Variants in VPS9D1 observed in about 807,000 individuals in gnomAD.
The protein encoded by VPS9D1 is VPS9 domain containing 1.
In VPS9D1, 78 loss-of-function variants were observed where a neutral mutation model predicts 75.8. The ratio of observed to expected loss-of-function variants is 1.03; its 90% confidence interval spans 0.86 to 1.24. The LOEUF is 1.24. VPS9D1 is among the 50% of genes most tolerant of loss of function. VPS9D1 has a pLI of 0.00. For missense variants in VPS9D1, 1,057 were observed against 847.7 expected, an observed-to-expected ratio of 1.25 and a Z score of -3.07; for synonymous variants, 481 against 385.6, an observed-to-expected ratio of 1.25 and a Z score of -2.90.
At chr16:89,708,105 C>G (rs2060831809) in intron 14 of VPS9D1, 151 bp from the exon 15 acceptor site, 2 of 737,166 alleles carry the variant, frequency 2.7e-6, no homozygotes, top group East Asian at 5.4e-5. Context: ...TAGAGGAGGC[C>G]TTTCCCACCC....
chr16:89,709,052 CG>C (rs1405074066), intron 12 of VPS9D1, 96 bp from the exon 13 acceptor site: 2 of 1,326,666 alleles, frequency 1.5e-6, no homozygotes, highest in Non-Finnish European at 1.0e-6. Context: ...CTGATGTGCA[CG>C]GCTGGGAAGA....
In VPS9D1 at chr16:89,712,618, T is replaced by C. The variant is rs2060961832; in HGVS notation, c.530A>G (p.Gln177Arg). Residue 177 changes from glutamine (Q) to arginine (R), a missense_variant, in exon 5 of 15, where the codon CAG (glutamine) becomes CGG (arginine). Physicochemically the swap from Gln to Arg is conservative, Grantham distance 43. Coordinates refer to ENST00000389386, the MANE Select transcript of VPS9D1 (RefSeq NM_004913.3). ...GCCCCCACTCACCAGGGATGTCTTC[T>C]GCATGGCCTGGCTGGGGTCTAGCCG... ...MARLDPSQAM[Q>R]KTSLTLSLQR... The C allele has an allele frequency of 6.2e-7, 1 of 1,610,034 alleles. No individual in the cohort carries two copies. The highest frequency in any genetic ancestry group is 8.5e-7 in the Non-Finnish European group (1 of 1,178,182).
In VPS9D1 at chr16:89,711,318, C is replaced by T. The variant is rs1389225054; in HGVS notation, c.833+9G>A. 2.5e-6 allele frequency: 4 copies of T among 1,604,028 alleles called. No individual in the cohort carries two copies. In the South Asian group the frequency reaches 3.4e-5, roughly 14 times the overall value. ...GCAGGGGCTCTGTGGGGCCTGAAGG[C>T]CCAGCTACCTGAGCAGGTGTGAGAC... On this transcript the variant is annotated intron_variant, in intron 9 of 14. Coordinates refer to ENST00000389386, the MANE Select transcript of VPS9D1 (RefSeq NM_004913.3).
At position 89,707,926 on chromosome 16, in the gene VPS9D1, G is replaced by A. The variant is rs766361679; in HGVS notation, c.1831C>T (p.Leu611Phe). Residue 611 changes from leucine to phenylalanine, a missense_variant, in exon 15 of 15, where the codon CTC (leucine) becomes TTC (phenylalanine). Transcript: ENST00000389386. ...CTCAGGGCACTCTGCAGTGATGTGA[G>A]GCAGTAGCCCTCCTCTCCGATCAGG... ...GYLIGEEGYC[L>F]TSLQSALSYV... The A allele has an allele frequency of 9.9e-6, 16 of 1,613,110 alleles. No homozygotes were observed. The highest frequency in any genetic ancestry group is 1.7e-6 in the Non-Finnish European group (2 of 1,179,954).
At chr16:89,709,190 G>C (rs1337782469) in intron 12 of VPS9D1, 37 bp downstream of exon 12, 1 of 1,610,444 alleles carries the variant, frequency 6.2e-7, no homozygotes, top group South Asian at 1.1e-5. Flanking sequence ...ACTGGGATGG[G>C]AGCCTGTCCC....
chr16:89,712,177 G>A, intron 6 of VPS9D1, 78 bp from the exon 7 acceptor site: 2 of 1,536,964 alleles, frequency 1.3e-6, no homozygotes, highest in African/African-American at 1.4e-5. Context: ...ACCCGGAGAG[G>A]CCGGGACGTC....
rs1597899931 is a variant in VPS9D1 at position 89,708,547 on chromosome 16, A to G, written c.1698-16T>C. The G allele has an allele frequency of 6.2e-7, 1 of 1,609,454 alleles. No homozygotes were observed. Among genetic ancestry groups the G allele is most frequent in the Non-Finnish European group, 8.5e-7 (1 of 1,178,320 alleles). Reference sequence around the variant, plus strand: ...ATCGGCACCACTGTCGGGAGGGCATAGCGGCCTTGGGTTGGGGCCAGGAGC... The same window carrying G: ...ATCGGCACCACTGTCGGGAGGGCATGGCGGCCTTGGGTTGGGGCCAGGAGC... On this transcript the variant is annotated splice_polypyrimidine_tract_variant and intron_variant, in intron 13 of 14. Coordinates refer to ENST00000389386, the MANE Select transcript of VPS9D1 (RefSeq NM_004913.3).
intron 1 of VPS9D1, among the ~76,000 whole-genome samples, chr16:89,719,646 G>C (rs971743531): frequency 1.3e-5 from 2 of 152,162 alleles, no homozygotes; most frequent in African/African-American, 4.8e-5. Context: ...GCACACAGGA[G>C]CCTAGAACTG....
At chr16:89,711,667 C>T in intron 8 of VPS9D1, 1 of 687,816 alleles carries the variant, frequency 1.5e-6, no homozygotes, top group South Asian at 1.9e-5. Context: ...GGGACCCTCC[C>T]ACGCGACCCC....
At chr16:89,714,616 C>A (rs570577965) in intron 4 of VPS9D1, among the ~76,000 whole-genome samples, 1 of 152,210 alleles carries the variant, frequency 6.6e-6, no homozygotes, top group South Asian at 2.1e-4. Context: ...GAGGAGTGGA[C>A]CCTTCTCGTC....
chr16:89,717,723 C>T (rs1397477758), intron 2 of VPS9D1: 2 of 456,650 alleles, frequency 4.4e-6, no homozygotes, highest in Non-Finnish European at 8.8e-6. Flanking sequence ...TTTGCTCTCC[C>T]CAGGGGATCC....
Position 89,710,573 on chromosome 16 carries a change from G to T in VPS9D1, c.1258+13C>A. On this transcript the variant is annotated intron_variant, in intron 10 of 14. Transcript: ENST00000389386. ...GAGCTGCGGCGGCTCTCCCAGGGAG[G>T]GCCTGGCCTCACCTACGGCATTGTG... The T allele has an allele frequency of 6.3e-7, 1 of 1,582,866 alleles. No homozygotes were observed. The highest frequency in any genetic ancestry group is 2.3e-5 in the East Asian group (1 of 44,202).
chr16:89,712,563 C>T, intron 5 of VPS9D1, 41 bp from the exon 6 acceptor site: 4 of 1,609,454 alleles, frequency 2.5e-6, no homozygotes, highest in Non-Finnish European at 3.4e-6. Context: ...CCCCTCTGCC[C>T]CGCGCCCACG....
chr16:89,709,443 A>G lies in VPS9D1; in HGVS notation c.1389-8T>C, dbSNP rs755213013. On this transcript the variant is annotated splice_polypyrimidine_tract_variant and splice_region_variant and intron_variant, in intron 11 of 14. Coordinates refer to ENST00000389386, the MANE Select transcript of VPS9D1 (RefSeq NM_004913.3). The stretch of plus-strand genomic sequence containing the variant: ...CGGGCTCGGTGCACGCTCCTGGGGC[A>G]GAGAGAGGCCAGGCTAAGCTGCCCC... 4 of 1,504,442 alleles carry G rather than the reference A, an allele frequency of 2.7e-6. No individual in the cohort carries two copies. The highest frequency in any genetic ancestry group is 3.5e-6 in the Non-Finnish European group (4 of 1,135,512). The allele number at this position is 1,504,442 out of a possible 1,614,324, so 93.2% of individuals were successfully genotyped here.
Position 89,709,247 on chromosome 16 carries a change from T to C in VPS9D1, c.1577A>G (p.Gln526Arg). The change falls in exon 12 of 15, where the codon CAG (glutamine) becomes CGG (arginine). Residue 526 changes from glutamine to arginine, a missense_variant. By Grantham distance (43) the Gln-to-Arg change is conservative. Coordinates refer to ENST00000389386, the MANE Select transcript of VPS9D1 (RefSeq NM_004913.3). ...LGLLVLESCP[Q>R]KKLECIVRTL... Reference sequence around the variant, plus strand: ...CTGACCTATGCACTCCAGCTTCTTCTGGGGGCAGCTCTCCAGGACCAGCAG... The same window carrying C: ...CTGACCTATGCACTCCAGCTTCTTCCGGGGGCAGCTCTCCAGGACCAGCAG... The C allele has an allele frequency of 6.2e-7, 1 of 1,611,872 alleles. No homozygotes were observed. Among genetic ancestry groups the C allele is most frequent in the Non-Finnish European group, 8.5e-7 (1 of 1,179,944 alleles).
In VPS9D1 at chr16:89,709,273, T is replaced by C. The variant is rs1241573271; in HGVS notation, c.1551A>G (p.Gly517=). Residue 517 remains glycine, a synonymous_variant, in exon 12 of 15, where the codon GGA becomes GGG. Transcript: ENST00000389386. ...GGGGGCAGCTCTCCAGGACCAGCAGTCCGAGCTCCTGGGCCGCCGCGCAGT... is the reference window on the plus strand; with the variant it reads ...GGGGGCAGCTCTCCAGGACCAGCAGCCCGAGCTCCTGGGCCGCCGCGCAGT... The part of the protein sequence containing the change: ...YPYCAAAQEL[G]LLVLESCPQK... 1.2e-6 allele frequency: 2 copies of C among 1,611,168 alleles called. No individual in the cohort carries two copies. Among genetic ancestry groups the C allele is most frequent in the Non-Finnish European group, 1.7e-6 (2 of 1,179,750 alleles).
chr16:89,716,379 A>C (rs1232249350), intron 4 of VPS9D1, 83 bp downstream of exon 4: 1 of 1,580,692 alleles, frequency 6.3e-7, no homozygotes. Context: ...AAACAAAAAA[A>C]AAATCGCTGT....
rs1475527335 is a variant in VPS9D1, at chr16:89,712,082, C to T, written c.624G>A (p.Glu208=). Residue 208 remains glutamate, a synonymous_variant, in exon 7 of 15, where the codon GAG becomes GAA. Transcript: ENST00000389386. Reference sequence around the variant, plus strand: ...CCTCCTGGAGCCGCAGCCGGCGCTCCTCCATCTTTCTCTGGAGCTGGGTGC... The same window carrying T: ...CCTCCTGGAGCCGCAGCCGGCGCTCTTCCATCTTTCTCTGGAGCTGGGTGC... ...AREETLQRKM[E]ERRLRLQEAA... 7 of 1,548,450 alleles carry T rather than the reference C, an allele frequency of 4.5e-6. No homozygotes were observed. The highest frequency in any genetic ancestry group is 6.1e-6 in the Non-Finnish European group (7 of 1,146,820).
Position 89,709,324 on chromosome 16 carries a change from C to G in VPS9D1, c.1500G>C (p.Glu500Asp). Residue 500 changes from glutamate to aspartate, a missense_variant, in exon 12 of 15, where the codon GAG (glutamate) becomes GAC (aspartate). Coordinates refer to ENST00000389386, the MANE Select transcript of VPS9D1 (RefSeq NM_004913.3). ...IPTKLLPQNP[E>D]AKGATGYPYC... ...AGGGGTAGCCAGTGGCCCCCTTGGC[C>G]TCAGGGTTCTGGGGGAGGAGCTTGG... is the stretch of plus-strand genomic sequence containing the variant. The G allele has an allele frequency of 6.2e-7, 1 of 1,602,930 alleles. No homozygotes were observed. The highest frequency in any genetic ancestry group is 8.5e-7 in the Non-Finnish European group (1 of 1,176,540).
Sources: allele counts gnomAD v4.1 joint callset (sites outside exome capture counted in the v4.1 genomes callset), GRCh38; gene constraint gnomAD v4.1.1; transcripts MANE v1.5; gene names NCBI Gene and HGNC (gene_info 2026-07-23, HGNC 2026-07-21).